Variants in C1orf21 observed in about 807,000 individuals in gnomAD.
The protein encoded by C1orf21 is uncharacterized protein C1orf21.
In C1orf21, 3 loss-of-function variants were observed where a neutral mutation model predicts 18.7. The observed-to-expected ratio is 0.16, with a 90% confidence interval of 0.07 to 0.42. The LOEUF (loss-of-function observed/expected upper bound fraction) is 0.42. Among genes scored for constraint, C1orf21 ranks in the 10% least tolerant of loss-of-function variants. The probability of loss-of-function intolerance (pLI) is 0.99; values close to 1 mark genes in which losing one functional copy is unlikely to be tolerated. For synonymous variants in C1orf21, 41 were observed against 46.4 expected (o/e 0.88, Z 0.47); for missense variants, 104 against 143.6 (o/e 0.72, Z 1.41).
intron 3 of C1orf21, among the ~76,000 whole-genome samples, chr1:184,575,611 T>TAAAAAAAAAAAAAAAAAAAA (rs59167087): frequency 2.4e-5 from 2 of 83,504 alleles, no homozygotes; most frequent in African/African-American, 4.3e-5. Flanking sequence ...CACAAAAAGG[T>TAAAAAAAAAAAAAAAAAAAA]AAAAAAAAAA....
chr1:184,534,076 A>C (rs1051238022), intron 3 of C1orf21, among the ~76,000 whole-genome samples: 1 of 152,166 alleles, frequency 6.6e-6, no homozygotes, highest in African/African-American at 2.4e-5. Flanking sequence ...CACCTGGCCC[A>C]CAGTAACCAC....
At chr1:184,486,560 C>T (rs901293770) in intron 2 of C1orf21, among the ~76,000 whole-genome samples, 4 of 152,128 alleles carry the variant, frequency 2.6e-5, no homozygotes, top group Non-Finnish European at 5.9e-5. Flanking sequence ...CTCCTCCCCT[C>T]GGCCAGCACA....
At chr1:184,619,370 G>A (rs1172363753) in intron 5 of C1orf21, 148 bp from the exon 6 acceptor site, 5 of 768,546 alleles carry the variant, frequency 6.5e-6, no homozygotes, top group African/African-American at 3.6e-5. Context: ...TATTTATGAC[G>A]TAGCTACCCC....
chr1:184,468,807 T>C (rs1657446546), intron 1 of C1orf21, among the ~76,000 whole-genome samples: 1 of 152,008 alleles, frequency 6.6e-6, no homozygotes, highest in Non-Finnish European at 1.5e-5. Context: ...TAATCCCAGC[T>C]ACTCAGGAGG....
chr1:184,487,093 G>A (rs1272873088), intron 2 of C1orf21, among the ~76,000 whole-genome samples: 1 of 152,312 alleles, frequency 6.6e-6, no homozygotes, highest in East Asian at 1.9e-4. Flanking sequence ...GAAGTCAAAG[G>A]TTTCTTTACC....
At chr1:184,506,001 A>T (rs991027931) in intron 2 of C1orf21, among the ~76,000 whole-genome samples, 8 of 151,964 alleles carry the variant, frequency 5.3e-5, no homozygotes, top group African/African-American at 1.9e-4. Context: ...TGTCAGTATT[A>T]TTAATTTACA....
chr1:184,442,331 T>C (rs778188814), intron 1 of C1orf21, among the ~76,000 whole-genome samples: 2 of 152,198 alleles, frequency 1.3e-5, no homozygotes, highest in Non-Finnish European at 2.9e-5. Flanking sequence ...ATTCTACTAG[T>C]AAAATGGCCT....
intron 1 of C1orf21, among the ~76,000 whole-genome samples, chr1:184,475,069 G>A (rs971088430): frequency 3.9e-5 from 6 of 152,180 alleles, no homozygotes; most frequent in Admixed American, 2.6e-4. Flanking sequence ...CTCCGGGTTA[G>A]AGAGGGGATT....
chr1:184,393,650 C>T (rs1316390992), intron 1 of C1orf21, among the ~76,000 whole-genome samples: 1 of 152,156 alleles, frequency 6.6e-6, no homozygotes, highest in Non-Finnish European at 1.5e-5. Flanking sequence ...TTACATTCTC[C>T]ATTGGATAAG....
At chr1:184,545,096 G>A (rs1219974356) in intron 3 of C1orf21, among the ~76,000 whole-genome samples, 1 of 152,192 alleles carries the variant, frequency 6.6e-6, no homozygotes, top group African/African-American at 2.4e-5. Context: ...TACAGGTACA[G>A]TGTGGGAAGG....
intron 3 of C1orf21, among the ~76,000 whole-genome samples, chr1:184,531,364 C>A (rs991758884): frequency 3.3e-5 from 5 of 152,088 alleles, no homozygotes; most frequent in African/African-American, 1.2e-4. Context: ...ATATGTATTT[C>A]TTGTATCTAT....
intron 3 of C1orf21, among the ~76,000 whole-genome samples, chr1:184,515,545 TG>T (rs796193109): frequency 7.9e-5 from 12 of 152,322 alleles, no homozygotes; most frequent in African/African-American, 2.9e-4. Flanking sequence ...ACCCCAGACT[TG>T]GCAGTATTCA....
chr1:184,538,230 C>G (rs1658590466), intron 3 of C1orf21, among the ~76,000 whole-genome samples: 1 of 152,142 alleles, frequency 6.6e-6, no homozygotes, highest in South Asian at 2.1e-4. Context: ...GGTTGAACAT[C>G]TTTTCATGTG....
chr1:184,392,883 C>T lies in C1orf21; in HGVS notation c.-125+5515C>T, dbSNP rs540121210. Among the ~76,000 whole-genome samples the T allele has an allele frequency of 1.3e-3, 172 of 133,712 alleles. 1 individual carries two copies. The highest frequency in any genetic ancestry group is 4.7e-3 in the African/African-American group (168 of 35,506). The allele number at this position is 133,712 out of a possible 152,430, so 87.7% of individuals were successfully genotyped here. A position where few individuals can be genotyped will look rare whatever the true frequency, so the allele number is the denominator to read the frequency against. ...TCATTCTGTCACCCAGGCTAGAGTG[C>T]AGTGGCACAATTTTGGCTCACTGCA... On this transcript the variant is annotated intron_variant, in intron 1 of 5. Coordinates refer to ENST00000235307, the MANE Select transcript of C1orf21 (RefSeq NM_030806.4).
At chr1:184,419,620 A>G (rs1224380354) in intron 1 of C1orf21, among the ~76,000 whole-genome samples, 3 of 152,146 alleles carry the variant, frequency 2.0e-5, no homozygotes, top group East Asian at 1.9e-4. Flanking sequence ...CATATGTTTG[A>G]AAGTGTTTAG....
chr1:184,388,778 T>G (rs186429586), intron 1 of C1orf21, among the ~76,000 whole-genome samples: 34 of 152,282 alleles, frequency 2.2e-4, no homozygotes, highest in African/African-American at 7.7e-4. Flanking sequence ...AGAATTGGAA[T>G]GTACCAGGAT....
chr1:184,598,159 G>C (rs16823326), intron 4 of C1orf21, among the ~76,000 whole-genome samples: 1 of 151,638 alleles, frequency 6.6e-6, no homozygotes, highest in Non-Finnish European at 1.5e-5. Context: ...ACTATAAATA[G>C]CATCTGTACA....
At chr1:184,540,771 A>G (rs1658637402) in intron 3 of C1orf21, among the ~76,000 whole-genome samples, 1 of 152,146 alleles carries the variant, frequency 6.6e-6, no homozygotes. Context: ...TTATGAAGCT[A>G]AAAAGTTATT....
At chr1:184,438,448 C>T (rs1392877889) in intron 1 of C1orf21, among the ~76,000 whole-genome samples, 1 of 152,214 alleles carries the variant, frequency 6.6e-6, no homozygotes, top group Non-Finnish European at 1.5e-5. Flanking sequence ...ACTGGCTCCT[C>T]TCACTGTTCA....
Sources: gnomAD v4.1 joint callset for allele counts (sites outside exome capture counted in the v4.1 genomes callset) on GRCh38, gnomAD v4.1.1 for gene constraint, MANE v1.5 for transcripts, NCBI Gene and HGNC (gene_info 2026-07-23, HGNC 2026-07-21) for gene names.